Variants in NELL2 observed in about 807,000 individuals in gnomAD.
NELL2 encodes protein kinase C-binding protein NELL2.
Under a neutral mutation model 109.6 loss-of-function variants are expected in NELL2, and 41 were observed. The ratio of observed to expected loss-of-function variants is 0.37; its 90% CI spans 0.29 to 0.49. NELL2 has a LOEUF of 0.49. Ranked by LOEUF, NELL2 falls within the 20% of genes least tolerant of loss-of-function variation. The pLI is 0.98. For synonymous variants in NELL2, 355 were observed against 344.7 expected (o/e 1.03, Z -0.33); for missense variants, 900 against 1,008.3 (o/e 0.89, Z 1.45).
At chr12:44,695,554 G>A (rs1949038404) in intron 12 of NELL2, among the ~76,000 whole-genome samples, 2 of 152,020 alleles carry the variant, frequency 1.3e-5, no homozygotes, top group Non-Finnish European at 2.9e-5. Context: ...ATCATTAGCC[G>A]GGCATGATGG....
At chr12:44,557,077 A>G (rs1184761889) in intron 15 of NELL2, among the ~76,000 whole-genome samples, 1 of 152,158 alleles carries the variant, frequency 6.6e-6, no homozygotes, top group Admixed American at 6.5e-5. Context: ...TCAGCATGCT[A>G]ATGGCTGAAA....
intron 12 of NELL2, among the ~76,000 whole-genome samples, chr12:44,686,286 C>G (rs1187722244): frequency 6.6e-6 from 1 of 152,178 alleles, no homozygotes; most frequent in Non-Finnish European, 1.5e-5. Context: ...AAGCACTTCT[C>G]TGTATTGGTT....
chr12:44,880,146 G>C (rs949582622), upstream of NELL2, among the ~76,000 whole-genome samples: 17 of 141,976 alleles, frequency 1.2e-4, 1 homozygote, highest in East Asian at 2.4e-3. Flanking sequence ...CACACAGAGA[G>C]AGAGAGAGAG....
chr12:44,720,246 T>C (rs781424007), intron 9 of NELL2, among the ~76,000 whole-genome samples: 2 of 152,208 alleles, frequency 1.3e-5, no homozygotes, highest in Non-Finnish European at 2.9e-5. Flanking sequence ...TGTCTTTGGA[T>C]TTTATTCAGC....
At chr12:44,602,048 A>G (rs1196020495) in intron 15 of NELL2, among the ~76,000 whole-genome samples, 1 of 152,184 alleles carries the variant, frequency 6.6e-6, no homozygotes, top group African/African-American at 2.4e-5. Flanking sequence ...ATCTAAGCCA[A>G]TTCAAGCAGG....
chr12:44,523,138 C>T (rs1941613921), intron 17 of NELL2, 153 bp downstream of exon 17: 4 of 786,696 alleles, frequency 5.1e-6, no homozygotes, highest in Non-Finnish European at 8.1e-6. Flanking sequence ...ACATAGGCAA[C>T]ATTTGGGATA....
At chr12:44,775,075 GT>G (rs1338835499) in intron 8 of NELL2, among the ~76,000 whole-genome samples, 1 of 152,174 alleles carries the variant, frequency 6.6e-6, no homozygotes, top group Non-Finnish European at 1.5e-5. Flanking sequence ...GAGCTCCCAG[GT>G]AGCTGGCTGC....
intron 9 of NELL2, among the ~76,000 whole-genome samples, chr12:44,750,119 G>GGT (rs765223920): frequency 2.4e-4 from 37 of 152,216 alleles, no homozygotes; most frequent in Non-Finnish European, 4.4e-4. Flanking sequence ...AACTAGAAAA[G>GGT]TGTCATTCTT....
chr12:44,883,321 C>T (rs894775812), intron 1 of NELL2, among the ~76,000 whole-genome samples: 2 of 152,022 alleles, frequency 1.3e-5, no homozygotes, highest in African/African-American at 2.4e-5. Flanking sequence ...CTCATTGCCC[C>T]CTCCTTCAAT....
rs1193034368 is a variant in NELL2 at position 44,854,696 on chromosome 12, GTGGATGGA to G, written c.184+20521_184+20528del. On this transcript the variant is annotated intron_variant, in intron 2 of 19. Coordinates refer to ENST00000429094, the MANE Select transcript of NELL2 (RefSeq NM_001145108.2). ...GATGGATGGATGGGTGGATGGATGGGTGGATGGATGGGTGGGTGGGTGGATGGATGGAT... is the reference window on the plus strand; with the variant it reads ...GATGGATGGATGGGTGGATGGATGGGTGGGTGGGTGGGTGGATGGATGGAT... Among the ~76,000 whole-genome samples the G allele has an allele frequency of 1.5e-3, 171 of 113,826 alleles. 1 individual carries two copies. The highest frequency in any genetic ancestry group is 4.8e-3 in the African/African-American group (162 of 33,720). The allele number at this position is 113,826 out of a possible 152,430, so 74.7% of individuals were successfully genotyped here. A position where few individuals can be genotyped will look rare whatever the true frequency, so the allele number is the denominator to read the frequency against.
chr12:44,596,766 G>A (rs1005085828), intron 15 of NELL2, among the ~76,000 whole-genome samples: 1 of 152,044 alleles, frequency 6.6e-6, no homozygotes, highest in Non-Finnish European at 1.5e-5. Flanking sequence ...TTTAAAACAA[G>A]GAAATTGAGG....
intron 13 of NELL2, among the ~76,000 whole-genome samples, chr12:44,658,126 T>A (rs1947581341): frequency 6.6e-6 from 1 of 152,186 alleles, no homozygotes; most frequent in African/African-American, 2.4e-5. Context: ...TTTCTCCACA[T>A]CCTCTCCACC....
At chr12:44,775,970 A>C in intron 8 of NELL2, 52 bp downstream of exon 8, 11 of 1,577,674 alleles carry the variant, frequency 7.0e-6, no homozygotes, top group Non-Finnish European at 9.4e-6. Flanking sequence ...TAAATTTTTA[A>C]AGAGTGGGAG....
intron 2 of NELL2, among the ~76,000 whole-genome samples, chr12:44,862,812 C>T (rs1944880124): frequency 6.6e-6 from 1 of 151,430 alleles, no homozygotes; most frequent in African/African-American, 2.4e-5. Context: ...AACTCAAAGA[C>T]AGGTTATTTG....
At chr12:44,736,004 C>CTT (rs35988182) in intron 9 of NELL2, among the ~76,000 whole-genome samples, 102 of 99,394 alleles carry the variant, frequency 1.0e-3, no homozygotes, top group Non-Finnish European at 1.5e-3. Flanking sequence ...GCAGTTAATT[C>CTT]TTTTTTTTTT....
intron 1 of NELL2, among the ~76,000 whole-genome samples, chr12:44,891,277 C>A (rs1452236528): frequency 6.6e-6 from 1 of 152,158 alleles, no homozygotes; most frequent in Non-Finnish European, 1.5e-5. Flanking sequence ...TAGACTGGCA[C>A]CCAGAAGAGA....
At chr12:44,864,867 T>A (rs1019096414) in intron 2 of NELL2, among the ~76,000 whole-genome samples, 2 of 152,024 alleles carry the variant, frequency 1.3e-5, no homozygotes, top group Non-Finnish European at 2.9e-5. Flanking sequence ...TGATTTATAG[T>A]CATTTGGGTA....
intron 13 of NELL2, among the ~76,000 whole-genome samples, chr12:44,630,456 A>G (rs1946413475): frequency 6.6e-6 from 1 of 152,202 alleles, no homozygotes; most frequent in Admixed American, 6.5e-5. Context: ...GAACTAATCG[A>G]TCTTCTTCAT....
At chr12:44,581,733 G>A (rs1006933972) in intron 15 of NELL2, among the ~76,000 whole-genome samples, 1 of 152,098 alleles carries the variant, frequency 6.6e-6, no homozygotes, top group African/African-American at 2.4e-5. Context: ...AGGGATTACA[G>A]TAAGTTAATA....
Sources: gnomAD v4.1 joint callset for allele counts (sites outside exome capture counted in the v4.1 genomes callset) on GRCh38, gnomAD v4.1.1 for gene constraint, MANE v1.5 for transcripts, NCBI Gene and HGNC (gene_info 2026-07-23, HGNC 2026-07-21) for gene names.